The following TRPM3 variants were observed in gnomAD, a reference collection of about 807,000 sequenced individuals.
TRPM3 encodes the protein long transient receptor potential channel 3.
TRPM3 carries 77 observed loss-of-function variants against 181.2 expected under a neutral mutation model. That is an observed-to-expected ratio of 0.42 (90% confidence interval 0.35 to 0.51). The LOEUF is 0.51. TRPM3 is among the 20% of genes least tolerant of loss of function. The probability of loss-of-function intolerance (pLI) is 0.01; values close to 1 mark genes in which losing one functional copy is unlikely to be tolerated. For synonymous variants in TRPM3, 745 were observed against 796.4 expected, an observed-to-expected ratio of 0.94 and a Z score of 1.09; for missense variants, 1,759 against 2,196.7, an observed-to-expected ratio of 0.80 and a Z score of 3.98.
At chr9:70,952,688 TG>T (rs2097017050) in intron 1 of TRPM3, among the ~76,000 whole-genome samples, 2 of 152,126 alleles carry the variant, frequency 1.3e-5, no homozygotes, top group Non-Finnish European at 2.9e-5. Context: ...GATTAACAGC[TG>T]AGCATGGGTG....
intron 3 of TRPM3, 62 bp downstream of exon 3, chr9:70,862,846 C>T (rs2095556157): frequency 6.5e-7 from 1 of 1,544,354 alleles, no homozygotes; most frequent in Non-Finnish European, 8.9e-7. Context: ...TCTTAACCAC[C>T]CCTTTGCAGG....
At chr9:71,105,555 G>A (rs2069323737) in intron 1 of TRPM3, among the ~76,000 whole-genome samples, 1 of 152,256 alleles carries the variant, frequency 6.6e-6, no homozygotes, top group African/African-American at 2.4e-5. Context: ...TAAGCTATGG[G>A]GTGGTCCCTA....
chr9:71,324,082 T>C (rs1048543501), intron 1 of TRPM3, among the ~76,000 whole-genome samples: 4 of 152,128 alleles, frequency 2.6e-5, no homozygotes, highest in Non-Finnish European at 4.4e-5. Flanking sequence ...CTCTTCCTTA[T>C]AGAGTTCATT....
intron 8 of TRPM3, among the ~76,000 whole-genome samples, chr9:70,743,356 C>T (rs950331663): frequency 1.3e-5 from 2 of 152,010 alleles, no homozygotes; most frequent in Non-Finnish European, 2.9e-5. Flanking sequence ...AATTAATTCC[C>T]CTTTGAAACT....
chr9:71,208,547 C>T (rs925037342), intron 1 of TRPM3, among the ~76,000 whole-genome samples: 5 of 152,116 alleles, frequency 3.3e-5, no homozygotes, highest in African/African-American at 7.2e-5. Flanking sequence ...GTTTGGTTTG[C>T]GTTAATTAAC....
intron 1 of TRPM3, among the ~76,000 whole-genome samples, chr9:70,892,096 G>A (rs2096213031): frequency 6.6e-6 from 1 of 152,202 alleles, no homozygotes; most frequent in African/African-American, 2.4e-5. Flanking sequence ...AGGGAAAAAG[G>A]AAAGAGATAC....
At chr9:71,229,109 T>A (rs943700445) in intron 1 of TRPM3, among the ~76,000 whole-genome samples, 9 of 152,092 alleles carry the variant, frequency 5.9e-5, no homozygotes, top group Non-Finnish European at 1.0e-4. Context: ...GGTACTGGCA[T>A]AAAAACAGAT....
chr9:71,334,492 AC>A (rs1234980818), intron 1 of TRPM3, among the ~76,000 whole-genome samples: 3 of 151,798 alleles, frequency 2.0e-5, no homozygotes, highest in Admixed American at 2.0e-4. Context: ...CCACAGAATT[AC>A]CATAACATCC....
chr9:70,853,720 T>C (rs1477715619), intron 3 of TRPM3, among the ~76,000 whole-genome samples: 11 of 152,206 alleles, frequency 7.2e-5, no homozygotes, highest in African/African-American at 2.4e-4. Flanking sequence ...ATCATGCAAG[T>C]AGCACAAACA....
intron 1 of TRPM3, among the ~76,000 whole-genome samples, chr9:71,086,079 A>G (rs2065206767): frequency 6.6e-6 from 1 of 151,986 alleles, no homozygotes; most frequent in Non-Finnish European, 1.5e-5. Context: ...CCATTATCCT[A>G]AGCAAATGAA....
At chr9:70,827,553 A>G (rs1161273356) in intron 6 of TRPM3, 2 of 227,976 alleles carry the variant, frequency 8.8e-6, no homozygotes, top group Non-Finnish European at 8.6e-6. Context: ...CATGCAGATG[A>G]TGAAGGAAAA....
At chr9:71,078,388 T>G (rs1008330248) in intron 1 of TRPM3, among the ~76,000 whole-genome samples, 7 of 152,144 alleles carry the variant, frequency 4.6e-5, no homozygotes, top group African/African-American at 1.7e-4. Context: ...TTATACATAG[T>G]AAAGTTTCTA....
intron 1 of TRPM3, among the ~76,000 whole-genome samples, chr9:71,411,469 A>G (rs567941571): frequency 1.7e-3 from 252 of 152,354 alleles, no homozygotes; most frequent in African/African-American, 5.7e-3. Context: ...ATTGACAAAG[A>G]GAGCCAAAAC....
chr9:70,620,649 A>G (rs766694964), intron 15 of TRPM3, among the ~76,000 whole-genome samples: 1 of 152,114 alleles, frequency 6.6e-6, no homozygotes, highest in East Asian at 1.9e-4. Flanking sequence ...CTGTCCATTT[A>G]TTTCTTCAAA....
In TRPM3 at chr9:70,752,731, C is replaced by T. The variant is rs559654992; in HGVS notation, c.1272+8870G>A. On this transcript the variant is annotated intron_variant, in intron 8 of 25. Coordinates refer to ENST00000677713, the MANE Select transcript of TRPM3 (RefSeq NM_001366145.2). ...CTACAGTATTCAGAACTGTAATATG[C>T]CATTCAAATTTGTAGCCTAGGGACA... 2.6e-5 allele frequency among the ~76,000 whole-genome samples: 4 copies of T among 152,176 alleles called. No homozygotes were observed. The East Asian group carries it at 7.7e-4, about 29-fold the overall frequency.
At chr9:71,242,952 T>C (rs1203999438) in intron 1 of TRPM3, among the ~76,000 whole-genome samples, 1 of 152,192 alleles carries the variant, frequency 6.6e-6, no homozygotes, top group Non-Finnish European at 1.5e-5. Flanking sequence ...ACCAAACCAG[T>C]GTAGCTGGGG....
chr9:70,789,310 T>C (rs2084758709), intron 6 of TRPM3, among the ~76,000 whole-genome samples: 1 of 152,216 alleles, frequency 6.6e-6, no homozygotes, highest in South Asian at 2.1e-4. Context: ...TGCCATTTTC[T>C]TTATGCTCAT....
intron 1 of TRPM3, among the ~76,000 whole-genome samples, chr9:71,382,477 G>A (rs2092823876): frequency 6.6e-6 from 1 of 152,058 alleles, no homozygotes; most frequent in African/African-American, 2.4e-5. Context: ...TAGGTACAGT[G>A]GGATATTTAC....
At chr9:71,329,478 G>C (rs1326695740) in intron 1 of TRPM3, among the ~76,000 whole-genome samples, 1 of 152,084 alleles carries the variant, frequency 6.6e-6, no homozygotes, top group Admixed American at 6.5e-5. Context: ...ACAGCAAAAA[G>C]TTCAAAGGGG....
Sources: allele counts gnomAD v4.1 joint callset (sites outside exome capture counted in the v4.1 genomes callset), GRCh38; gene constraint gnomAD v4.1.1; transcripts MANE v1.5; gene names NCBI Gene and HGNC (gene_info 2026-07-23, HGNC 2026-07-21).